Variants in RBM4B observed in about 807,000 individuals in gnomAD.
RBM4B encodes RNA-binding protein 4B.
A neutral mutation model predicts 28.5 loss-of-function variants in RBM4B; 13 were observed. The ratio of observed to expected loss-of-function variants is 0.46; its 90% CI spans 0.30 to 0.72. The LOEUF is 0.72. RBM4B is among the 30% of genes least tolerant of loss of function. The pLI is 0.09. For missense variants in RBM4B, 387 were observed against 477.6 expected, an observed-to-expected ratio of 0.81 and a Z score of 1.77; for synonymous variants, 167 against 179.1, an observed-to-expected ratio of 0.93 and a Z score of 0.54.
chr11:66,665,778 GC>G (rs933402624), intron 3 of RBM4B, 200 bp from the exon 4 acceptor site: 11 of 1,342,718 alleles, frequency 8.2e-6, no homozygotes, highest in Non-Finnish European at 1.1e-5. Flanking sequence ...TCCACTTATG[GC>G]TATATATATA....
chr11:66,669,133 T>C lies in RBM4B; in HGVS notation c.571A>G (p.Asn191Asp), dbSNP rs1342889636. 6.2e-7 allele frequency: 1 copy of C among 1,614,052 alleles called. No homozygotes were observed. Among genetic ancestry groups the C allele is most frequent in the East Asian group, 2.2e-5 (1 of 44,890 alleles). ...GTTCGAACTGCTCCATATTGTTCAT[T>C]ATACTGCTCAGTAAAGTCTGCCACA... The part of the protein sequence containing the change: ...GRVADFTEQY[N>D]EQYGAVRTPY... Residue 191 changes from asparagine to aspartate, a missense_variant, in exon 3 of 4, where the codon AAT becomes GAT. Physicochemically the swap from Asn to Asp is conservative, Grantham distance 23 (BLOSUM62 1). Transcript: ENST00000310046.
At position 66,676,792 on chromosome 11, in the gene RBM4B, G is replaced by C. The variant is rs756250081; in HGVS notation, c.288C>G (p.Ala96=). 2 of 1,614,134 alleles carry C rather than the reference G, an allele frequency of 1.2e-6. No individual in the cohort carries two copies. Among genetic ancestry groups the C allele is most frequent in the Admixed American group, 1.7e-5 (1 of 60,016 alleles). ...TGACCGGACCATACTCCTCAAACTT[G>C]GCTCGAAGCTCTTGGTTGGTACAAG... ...SPTCTNQELR[A]KFEEYGPVIE... is the part of the protein sequence containing the mutation. Residue 96 remains alanine, a synonymous_variant, in exon 2 of 4, where the codon GCC becomes GCG. Coordinates refer to ENST00000310046, the MANE Select transcript of RBM4B (RefSeq NM_031492.4).
intron 2 of RBM4B, among the ~76,000 whole-genome samples, chr11:66,672,640 C>T (rs1590886084): frequency 6.6e-6 from 1 of 151,430 alleles, no homozygotes. Context: ...GGACTGCAGG[C>T]GCACGCTACC....
chr11:66,668,542 C>G, intron 3 of RBM4B, 73 bp downstream of exon 3: 2 of 1,289,066 alleles, frequency 1.6e-6, no homozygotes, highest in Non-Finnish European at 1.1e-6. Flanking sequence ...TGGCTCTAGC[C>G]ACTTTTATGA....
intron 2 of RBM4B, among the ~76,000 whole-genome samples, chr11:66,671,857 A>C (rs1375677150): frequency 2.0e-5 from 3 of 152,122 alleles, no homozygotes; most frequent in Non-Finnish European, 4.4e-5. Context: ...TCCCTGCCTC[A>C]GCCTCCCGAG....
At chr11:66,673,757 G>A (rs766756747) in intron 2 of RBM4B, among the ~76,000 whole-genome samples, 10 of 152,104 alleles carry the variant, frequency 6.6e-5, no homozygotes, top group Admixed American at 2.6e-4. Flanking sequence ...CACCTCACCC[G>A]GGCTCAAGTG....
At chr11:66,675,461 G>C (rs558410524) in intron 2 of RBM4B, 15 of 152,364 alleles carry the variant, frequency 9.8e-5, no homozygotes, top group African/African-American at 2.9e-4. Flanking sequence ...ACTGGCTGAA[G>C]CTGGAGATAC....
chr11:66,677,417 C>G (rs763410892), intron 1 of RBM4B: 1 of 345,208 alleles, frequency 2.9e-6, no homozygotes, highest in African/African-American at 2.1e-5. Flanking sequence ...GGGCATCAAT[C>G]GCAGTGCGCC....
rs1939646242 is a variant in RBM4B at position 66,676,661 on chromosome 11, A to C, written c.412+7T>G. Reference sequence around the variant, plus strand: ...CGGCGCTACTACCCAGGCCCAGAGCAGTTCACCTTGAAACTCTGTGTTGTC... The same window carrying C: ...CGGCGCTACTACCCAGGCCCAGAGCCGTTCACCTTGAAACTCTGTGTTGTC... On this transcript the variant is annotated splice_region_variant and intron_variant, in intron 2 of 3. Coordinates refer to ENST00000310046, the MANE Select transcript of RBM4B (RefSeq NM_031492.4). 2.5e-6 allele frequency: 4 copies of C among 1,613,756 alleles called. No homozygotes were observed. The East Asian group carries it at 8.9e-5, about 36-fold the overall frequency.
At chr11:66,666,484 A>G (rs968777778) in intron 3 of RBM4B, 1 of 983,668 alleles carries the variant, frequency 1.0e-6, no homozygotes, top group Admixed American at 6.1e-5. Flanking sequence ...AGTCCATTTG[A>G]GGTTCACACC....
intron 2 of RBM4B, among the ~76,000 whole-genome samples, chr11:66,675,015 C>G (rs1939595908): frequency 6.6e-6 from 1 of 152,222 alleles, no homozygotes; most frequent in African/African-American, 2.4e-5. Flanking sequence ...CACTGTCCAT[C>G]ATGATGATTT....
chr11:66,672,498 ATT>A (rs551111886), intron 2 of RBM4B, among the ~76,000 whole-genome samples: 2 of 136,896 alleles, frequency 1.5e-5, no homozygotes, highest in South Asian at 2.4e-4. Context: ...ATTTTTATTA[ATT>A]TTTTTGGGGG....
chr11:66,665,516 A>T lies in RBM4B; in HGVS notation c.*72T>A. On this transcript the variant is annotated 3_prime_UTR_variant, in exon 4 of 4. Transcript: ENST00000310046. ...CAATGGAAACATCCCGGCAAAGGGGACCGCGCGGAGCAAGTTCTCATATAT... is the reference window on the plus strand; with the variant it reads ...CAATGGAAACATCCCGGCAAAGGGGTCCGCGCGGAGCAAGTTCTCATATAT... 1 of 1,238,874 alleles carries T rather than the reference A, an allele frequency of 8.1e-7. No homozygotes were observed. Among genetic ancestry groups the T allele is most frequent in the Non-Finnish European group, 1.1e-6 (1 of 875,616 alleles). 76.7% of individuals were successfully genotyped at this position (1,238,874 alleles called of 1,614,324 possible).
chr11:66,669,895 A>G (rs958116690), intron 2 of RBM4B, among the ~76,000 whole-genome samples: 38 of 152,250 alleles, frequency 2.5e-4, no homozygotes, highest in Non-Finnish European at 2.9e-4. Context: ...AACAATTGGA[A>G]AAGTTTCCAC....
chr11:66,671,164 G>A (rs1939451244), intron 2 of RBM4B, among the ~76,000 whole-genome samples: 2 of 152,168 alleles, frequency 1.3e-5, no homozygotes, highest in Non-Finnish European at 2.9e-5. Flanking sequence ...ACCTCCAACT[G>A]CTAGGAGACA....
At chr11:66,675,152 T>G (rs1010834850) in intron 2 of RBM4B, among the ~76,000 whole-genome samples, 1 of 152,226 alleles carries the variant, frequency 6.6e-6, no homozygotes, top group African/African-American at 2.4e-5. Context: ...TATCACACTT[T>G]CAATAATTTT....
At chr11:66,669,647 T>A (rs1408092730) in intron 2 of RBM4B, among the ~76,000 whole-genome samples, 1 of 152,130 alleles carries the variant, frequency 6.6e-6, no homozygotes, top group Admixed American at 6.5e-5. Flanking sequence ...GGTTTCTCCA[T>A]GTTGGTCAGG....
rs745898216 is a variant in RBM4B at position 66,676,672 on chromosome 11, A to G, written c.408T>C (p.Phe136=). 10 of 1,613,792 alleles carry G rather than the reference A, an allele frequency of 6.2e-6. 1 individual carries two copies. In the African/African-American group the frequency reaches 1.1e-4, roughly 17 times the overall value. The change falls in exon 2 of 4, where the codon TTT becomes TTC. Residue 136 remains phenylalanine (F), a synonymous_variant. Coordinates refer to ENST00000310046, the MANE Select transcript of RBM4B (RefSeq NM_031492.4). The part of the protein sequence containing the change: ...EAIRGLDNTE[F]QGKRMHVQLS... ...CCCAGGCCCAGAGCAGTTCACCTTG[A>G]AACTCTGTGTTGTCAAGGCCCCTGA...
intron 3 of RBM4B, chr11:66,665,956 A>C (rs1275331573): frequency 6.5e-7 from 1 of 1,531,838 alleles, no homozygotes; most frequent in South Asian, 1.2e-5. Context: ...GGAAAAGCAG[A>C]AGATGCTGAG....
Sources: allele counts gnomAD v4.1 joint callset (sites outside exome capture counted in the v4.1 genomes callset), GRCh38; gene constraint gnomAD v4.1.1; transcripts MANE v1.5; gene names NCBI Gene and HGNC (gene_info 2026-07-23, HGNC 2026-07-21).